Variants in CLTRN observed in about 807,000 individuals in gnomAD.
CLTRN encodes the protein collectrin, amino acid transport regulator, also known as collectrin.
Under a neutral mutation model 14.5 loss-of-function variants are expected in CLTRN, and 12 were observed. The ratio of observed to expected loss-of-function variants is 0.83; its 90% confidence interval spans 0.53 to 1.34. The LOEUF is 1.34. Ranked by LOEUF, CLTRN falls within the 40% of genes most tolerant of loss-of-function variation. The probability of loss-of-function intolerance (pLI) is 0.00; values close to 1 mark genes in which losing one functional copy is unlikely to be tolerated. For synonymous variants in CLTRN, 58 were observed against 56.5 expected (o/e 1.03, Z -0.12); for missense variants, 154 against 165.1 (o/e 0.93, Z 0.37).
intron 3 of CLTRN, chrX:15,646,717 C>A (rs1357979035): frequency 5.9e-6 from 2 of 339,099 alleles, no homozygotes; most frequent in Admixed American, 6.2e-5. Flanking sequence ...AACAGGCTGC[C>A]GCTGCTGAGC....
rs1157439597 is a variant in CLTRN, at chrX:15,648,657, A to G, written c.204-3628T>C. The stretch of plus-strand genomic sequence containing the variant: ...GAAACCCCATCTCTACGAAAAATAC[A>G]AAAATTAGCTAGGCATGGTGACGCA... On this transcript the variant is annotated intron_variant, in intron 3 of 5. Coordinates refer to ENST00000380342, the MANE Select transcript of CLTRN (RefSeq NM_020665.6). Among the ~76,000 whole-genome samples the G allele has an allele frequency of 4.5e-5, 5 of 110,708 alleles. No individual in the cohort carries two copies. The East Asian group carries it at 1.4e-3, about 31-fold the overall frequency.
chrX:15,662,644 C>G (rs751165692), intron 2 of CLTRN, among the ~76,000 whole-genome samples: 3 of 111,664 alleles, frequency 2.7e-5, no homozygotes, highest in Non-Finnish European at 5.6e-5. Flanking sequence ...AGGAGTTGTC[C>G]ACACATCTGT....
intron 3 of CLTRN, chrX:15,646,657 G>A (rs901113834): frequency 2.9e-6 from 1 of 341,781 alleles, no homozygotes; most frequent in Admixed American, 3.1e-5. Context: ...GTGCCCGCCC[G>A]CATCCGCGTC....
At chrX:15,652,994 T>C (rs1929258122) in intron 3 of CLTRN, among the ~76,000 whole-genome samples, 1 of 111,040 alleles carries the variant, frequency 9.0e-6, no homozygotes, top group Admixed American at 9.5e-5. Flanking sequence ...GGCAGGAGAA[T>C]TGCGTTAACC....
chrX:15,628,171 T>C, intron 5 of CLTRN, 44 bp from the exon 6 acceptor site: 1 of 969,817 alleles, frequency 1.0e-6, no homozygotes, highest in Non-Finnish European at 1.3e-6. Flanking sequence ...AGAAGGACCA[T>C]AACCATGGTT....
At chrX:15,664,444 C>A in intron 1 of CLTRN, 49 bp from the exon 2 acceptor site, 1 of 1,051,603 alleles carries the variant, frequency 9.5e-7, no homozygotes, top group Non-Finnish European at 1.3e-6. Flanking sequence ...TTAGGATCTG[C>A]CAAAACAGAG....
chrX:15,644,768 A>G, intron 4 of CLTRN, 148 bp downstream of exon 4: 1 of 427,967 alleles, frequency 2.3e-6, no homozygotes. Context: ...ACTCATCTCT[A>G]ACAGAAACTA....
intron 1 of CLTRN, among the ~76,000 whole-genome samples, chrX:15,670,985 T>G (rs1045582166): frequency 9.2e-6 from 1 of 108,363 alleles, no homozygotes; most frequent in Non-Finnish European, 1.9e-5. Context: ...TGCAATGCAT[T>G]TCATGGTACT....
intron 2 of CLTRN, among the ~76,000 whole-genome samples, chrX:15,660,485 T>C (rs1929479734): frequency 9.1e-6 from 1 of 110,045 alleles, no homozygotes; most frequent in South Asian, 3.9e-4. Flanking sequence ...TCCTACCTTA[T>C]GTAACTCTGC....
intron 3 of CLTRN, among the ~76,000 whole-genome samples, chrX:15,652,733 T>C (rs1200631010): frequency 1.8e-5 from 2 of 111,835 alleles, no homozygotes; most frequent in East Asian, 2.8e-4. Flanking sequence ...GTTTGATCAT[T>C]TGAAATCATT....
intron 3 of CLTRN, among the ~76,000 whole-genome samples, chrX:15,649,144 A>G (rs1172160133): frequency 1.6e-4 from 18 of 111,424 alleles, no homozygotes; most frequent in Non-Finnish European, 1.9e-5. Flanking sequence ...ATAAATGCAT[A>G]CACTGTGGAG....
intron 2 of CLTRN, among the ~76,000 whole-genome samples, chrX:15,661,832 T>G (rs1475899962): frequency 2.7e-5 from 3 of 112,496 alleles, no homozygotes; most frequent in Non-Finnish European, 5.6e-5. Context: ...ACGTGTGGCT[T>G]CACAGACCAA....
intron 3 of CLTRN, among the ~76,000 whole-genome samples, chrX:15,655,085 C>A (rs1482026217): frequency 8.9e-6 from 1 of 111,917 alleles, no homozygotes; most frequent in Non-Finnish European, 1.9e-5. Context: ...CCTACAGCTG[C>A]TCTCCTTCCA....
Position 15,628,127 on chromosome X carries a change from T to C in CLTRN, c.513A>G (p.Arg171=). The C allele has an allele frequency of 9.3e-7, 1 of 1,078,108 alleles. No homozygotes were observed. The allele number at this position is 1,078,108 out of a possible 1,213,427, so 88.8% of individuals were successfully genotyped here. ...CCACTTCAGATGGTTCTTTGTTCTT[T>C]CTAAAAGCACATAAAAAAGAGTGAT... The part of the protein sequence containing the change: ...LILSGIWQRR[R]KNKEPSEVDD... The change falls in exon 6 of 6, where the codon AGA becomes AGG. Residue 171 remains arginine (R), a splice_region_variant and synonymous_variant. Coordinates refer to ENST00000380342, the MANE Select transcript of CLTRN (RefSeq NM_020665.6).
At chrX:15,663,447 T>C (rs1435408179) in intron 2 of CLTRN, among the ~76,000 whole-genome samples, 1 of 112,447 alleles carries the variant, frequency 8.9e-6, no homozygotes, top group Admixed American at 9.4e-5. Flanking sequence ...TCAGTGGGAA[T>C]ACTAATACCT....
rs754216082 is a variant in CLTRN at position 15,651,418 on chromosome X, C to A, written c.204-6389G>T. ...CCAAAGTGGAAGCCAGTAACCCCCA[C>A]GGTGGCAGAATTTGCACATAGTTCC... On this transcript the variant is annotated intron_variant, in intron 3 of 5. Coordinates refer to ENST00000380342, the MANE Select transcript of CLTRN (RefSeq NM_020665.6). Among the ~76,000 whole-genome samples the A allele has an allele frequency of 5.9e-4, 65 of 110,633 alleles. 1 individual carries two copies. Among genetic ancestry groups the A allele is most frequent in the South Asian group, 1.2e-3 (3 of 2,534 alleles).
At position 15,651,642 on chromosome X, in the gene CLTRN, T is replaced by G. The variant is rs138794623; in HGVS notation, c.204-6613A>C. Among the ~76,000 whole-genome samples the G allele has an allele frequency of 7.2e-5, 8 of 111,500 alleles. No individual in the cohort carries two copies. The East Asian group carries it at 2.2e-3, about 31-fold the overall frequency. On this transcript the variant is annotated intron_variant, in intron 3 of 5. Coordinates refer to ENST00000380342, the MANE Select transcript of CLTRN (RefSeq NM_020665.6). The stretch of plus-strand genomic sequence containing the variant: ...GGAGATTATCAAATATTTTGTCCAT[T>G]TGCAGCAGATTTCTCTTGTGCCCTG...
intron 3 of CLTRN, among the ~76,000 whole-genome samples, chrX:15,657,277 G>C (rs1042422608): frequency 8.9e-6 from 1 of 112,513 alleles, no homozygotes; most frequent in Non-Finnish European, 1.9e-5. Flanking sequence ...TGGGATTGGA[G>C]GCGTGAGCCA....
rs918024071 is a variant in CLTRN at position 15,648,086 on chromosome X, G to A, written c.204-3057C>T. Among the ~76,000 whole-genome samples, 185 of 97,919 alleles carry A rather than the reference G, an allele frequency of 1.9e-3. 3 individuals are homozygous for A. Among genetic ancestry groups the A allele is most frequent in the Non-Finnish European group, 1.1e-3 (56 of 48,736 alleles). 85.0% of individuals were successfully genotyped at this position (97,919 alleles called of 115,157 possible). A position where few individuals can be genotyped will look rare whatever the true frequency, so the allele number is the denominator to read the frequency against. ...AGCCACTCTGGAATGGCATTTGGAA[G>A]TGATTCCCAGAACAGAAAACGCAGC... On this transcript the variant is annotated intron_variant, in intron 3 of 5. Coordinates refer to ENST00000380342, the MANE Select transcript of CLTRN (RefSeq NM_020665.6).
Sources: gnomAD v4.1 joint callset for allele counts (sites outside exome capture counted in the v4.1 genomes callset) on GRCh38, gnomAD v4.1.1 for gene constraint, MANE v1.5 for transcripts, NCBI Gene and HGNC (gene_info 2026-07-23, HGNC 2026-07-21) for gene names.